UEVLD: variants seen among roughly 807,000 people sequenced by gnomAD.
The protein encoded by UEVLD is ubiquitin-conjugating enzyme E2 variant 3.
A neutral mutation model predicts 58.6 loss-of-function variants in UEVLD; 47 were observed. The ratio of observed to expected loss-of-function variants is 0.80; its 90% CI spans 0.63 to 1.02. UEVLD has a LOEUF of 1.02. Among genes scored for constraint, UEVLD ranks in the 50% least tolerant of loss-of-function variants. UEVLD has a pLI of 0.00. For missense variants in UEVLD, 510 were observed against 550.6 expected, an observed-to-expected ratio of 0.93 and a Z score of 0.74; for synonymous variants, 197 against 195.3, an observed-to-expected ratio of 1.01 and a Z score of -0.07.
intron 6 of UEVLD, among the ~76,000 whole-genome samples, chr11:18,564,642 G>T (rs1267032744): frequency 6.6e-6 from 1 of 152,118 alleles, no homozygotes; most frequent in Non-Finnish European, 1.5e-5. Flanking sequence ...TAAGTCATAT[G>T]AATGTCAAAT....
At chr11:18,569,534 A>G (rs1238971821) in intron 4 of UEVLD, among the ~76,000 whole-genome samples, 2 of 152,172 alleles carry the variant, frequency 1.3e-5, no homozygotes, top group Admixed American at 1.3e-4. Context: ...ATATACAAAC[A>G]TTTACATTTA....
intron 1 of UEVLD, among the ~76,000 whole-genome samples, chr11:18,585,939 T>C (rs575070056): frequency 5.9e-5 from 9 of 152,302 alleles, no homozygotes; most frequent in African/African-American, 2.2e-4. Context: ...CCAGCCCTCA[T>C]ATCTATTTTT....
chr11:18,575,419 G>GAAA lies in UEVLD; in HGVS notation c.128-10_128-8dup. The GAAA allele has an allele frequency of 8.0e-7, 1 of 1,242,636 alleles. No individual in the cohort carries two copies. 77.0% of individuals were successfully genotyped at this position (1,242,636 alleles called of 1,614,324 possible). On this transcript the variant is annotated splice_polypyrimidine_tract_variant and splice_region_variant and intron_variant, in intron 2 of 11. Coordinates refer to ENST00000396197, the MANE Select transcript of UEVLD (RefSeq NM_001040697.4). Reference sequence around the variant, plus strand: ...TGAGAACTATCTTTAAAAACTAGAAGAAAAAAAAAAAAGCCCCAAAATGTG... The same window carrying GAAA: ...TGAGAACTATCTTTAAAAACTAGAAGAAAAAAAAAAAAAAAGCCCCAAAATGTG...
chr11:18,579,006 T>C (rs1853091268), intron 1 of UEVLD, among the ~76,000 whole-genome samples, 198 bp from the exon 2 acceptor site: 1 of 152,094 alleles, frequency 6.6e-6, no homozygotes, highest in Non-Finnish European at 1.5e-5. Flanking sequence ...TTGCTGGGAT[T>C]ACAGGCGCAC....
At chr11:18,539,596 T>A (rs908037604) in intron 9 of UEVLD, among the ~76,000 whole-genome samples, 2 of 152,226 alleles carry the variant, frequency 1.3e-5, no homozygotes, top group Non-Finnish European at 1.5e-5. Context: ...TCTTTAAAAA[T>A]TTGTTACATT....
chr11:18,538,562 C>T (rs1288624118), intron 9 of UEVLD, among the ~76,000 whole-genome samples: 2 of 151,744 alleles, frequency 1.3e-5, no homozygotes, highest in East Asian at 3.9e-4. Context: ...ATCCACCCGC[C>T]TTGGCCTCCC....
At chr11:18,573,304 A>G (rs1852726713) in intron 3 of UEVLD, among the ~76,000 whole-genome samples, 1 of 152,184 alleles carries the variant, frequency 6.6e-6, no homozygotes, top group African/African-American at 2.4e-5. Context: ...ACCCTTGAAA[A>G]CACTGGGGTG....
chr11:18,532,410 G>A lies in UEVLD; in HGVS notation c.1326C>T (p.Ile442=), dbSNP rs974856202. ...CTGTATCTTCTTTCAGTGTGGTTTT[G>A]ATAACTTCAGATACTCCATTGGTTC... is the stretch of plus-strand genomic sequence containing the variant. ...ILGTNGVSEV[I]KTTLKEDTVT... The change falls in exon 12 of 12, where the codon ATC becomes ATT. Residue 442 remains isoleucine (I), a synonymous_variant. Transcript: ENST00000396197. 1 of 1,613,454 alleles carries A rather than the reference G, an allele frequency of 6.2e-7. No homozygotes were observed. Among genetic ancestry groups the A allele is most frequent in the Non-Finnish European group, 8.5e-7 (1 of 1,179,710 alleles).
At position 18,529,939 on chromosome 11, in the gene UEVLD, G is replaced by A. The variant is rs1456029177; in HGVS notation, c.*2381C>T. ...ATTACTTCTACATTGTGGCCTTCCAGAGGGCAAAGACTATTATTCATCTTC... is the reference window on the plus strand; with the variant it reads ...ATTACTTCTACATTGTGGCCTTCCAAAGGGCAAAGACTATTATTCATCTTC... On this transcript the variant is annotated 3_prime_UTR_variant, in exon 12 of 12. Coordinates refer to ENST00000396197, the MANE Select transcript of UEVLD (RefSeq NM_001040697.4). 2.6e-5 allele frequency: 4 copies of A among 152,186 alleles called. No homozygotes were observed. In the East Asian group the frequency reaches 7.7e-4, roughly 29 times the overall value. The allele number at this position is 152,186 out of a possible 1,614,324, so 9.4% of individuals were successfully genotyped here.
chr11:18,577,433 C>T (rs1001950875), intron 2 of UEVLD, among the ~76,000 whole-genome samples: 13 of 152,146 alleles, frequency 8.5e-5, no homozygotes, highest in African/African-American at 3.1e-4. Context: ...TCAACTTTCC[C>T]ATCAGTAACT....
Position 18,532,242 on chromosome 11 carries a change from C to A in UEVLD, c.*78G>T. On this transcript the variant is annotated 3_prime_UTR_variant, in exon 12 of 12. Transcript: ENST00000396197. The stretch of plus-strand genomic sequence containing the variant: ...AAGTAAGTAGCAGGATACAGAAATC[C>A]TCAAACCTATATATAGGTAAAATTA... The A allele has an allele frequency of 7.4e-7, 1 of 1,350,436 alleles. No homozygotes were observed. The highest frequency in any genetic ancestry group is 1.8e-5 in the South Asian group (1 of 54,388). The allele number at this position is 1,350,436 out of a possible 1,614,324, so 83.7% of individuals were successfully genotyped here. A position where few individuals can be genotyped will look rare whatever the true frequency, so the allele number is the denominator to read the frequency against.
chr11:18,533,544 T>C (rs897953949), intron 11 of UEVLD, among the ~76,000 whole-genome samples: 2 of 151,774 alleles, frequency 1.3e-5, no homozygotes, highest in East Asian at 3.9e-4. Flanking sequence ...ATATGTGATA[T>C]TTGTCTTTCT....
chr11:18,588,697 G>A lies in UEVLD; in HGVS notation c.-43C>T, dbSNP rs754173551. The A allele has an allele frequency of 5.0e-6, 8 of 1,597,532 alleles. No individual in the cohort carries two copies. The highest frequency in any genetic ancestry group is 2.2e-5 in the East Asian group (1 of 44,528). ...GCTAGGTCCCAGGACTCCAGCCCCC[G>A]GACCTTCTTCCGGACTTGCTGCAGG... On this transcript the variant is annotated 5_prime_UTR_variant, in exon 1 of 12. Transcript: ENST00000396197.
intron 1 of UEVLD, among the ~76,000 whole-genome samples, chr11:18,581,146 G>C (rs1259179262): frequency 7.1e-6 from 1 of 140,182 alleles, no homozygotes; most frequent in African/African-American, 2.7e-5. Flanking sequence ...TGGGCAACAA[G>C]AGCTAGACTC....
chr11:18,562,385 T>C (rs896247455), intron 6 of UEVLD, among the ~76,000 whole-genome samples: 3 of 151,728 alleles, frequency 2.0e-5, no homozygotes, highest in African/African-American at 7.3e-5. Context: ...CTACTAAAAA[T>C]ACAAAAATTA....
intron 9 of UEVLD, among the ~76,000 whole-genome samples, chr11:18,542,841 A>G (rs1410672076): frequency 6.7e-6 from 1 of 149,208 alleles, no homozygotes; most frequent in Non-Finnish European, 1.5e-5. Flanking sequence ...TAACTCTTCA[A>G]TTAAATTATT....
intron 10 of UEVLD, among the ~76,000 whole-genome samples, chr11:18,534,689 C>T (rs1850712957): frequency 6.6e-6 from 1 of 152,140 alleles, no homozygotes; most frequent in Non-Finnish European, 1.5e-5. Flanking sequence ...TGTTCACTGC[C>T]ATTGATATTT....
chr11:18,587,821 C>CA (rs1356388690), intron 1 of UEVLD: 1 of 151,342 alleles, frequency 6.6e-6, no homozygotes, highest in Non-Finnish European at 1.5e-5. Flanking sequence ...ACACAAAAAA[C>CA]AAAAAACCAC....
intron 6 of UEVLD, among the ~76,000 whole-genome samples, chr11:18,562,093 A>G (rs78859504): frequency 0.026 from 3,882 of 151,786 alleles, 103 homozygotes; most frequent in South Asian, 0.043. Context: ...GAAAAACAGA[A>G]TTTTTTTTTG....
Sources: gnomAD v4.1 joint callset for allele counts (sites outside exome capture counted in the v4.1 genomes callset) on GRCh38, gnomAD v4.1.1 for gene constraint, MANE v1.5 for transcripts, NCBI Gene and HGNC (gene_info 2026-07-23, HGNC 2026-07-21) for gene names.